The following NEDD4 variants were observed in gnomAD, a reference collection of about 807,000 sequenced individuals.
NEDD4 encodes NEDD4 E3 ubiquitin protein ligase.
NEDD4 carries 99 observed loss-of-function variants against 144.9 expected under a neutral mutation model. The ratio of observed to expected loss-of-function variants is 0.68; its 90% CI spans 0.58 to 0.81. The LOEUF is 0.81. Ranked by LOEUF, NEDD4 falls within the 30% of genes least tolerant of loss-of-function variation. The pLI, the probability that NEDD4 is intolerant of heterozygous loss-of-function variation, is 0.00. For missense variants in NEDD4, 985 were observed against 1,065.9 expected, an observed-to-expected ratio of 0.92 and a Z score of 1.06; for synonymous variants, 318 against 350.6, an observed-to-expected ratio of 0.91 and a Z score of 1.04.
chr15:55,949,305 G>T (rs555857983), intron 4 of NEDD4, among the ~76,000 whole-genome samples: 1 of 152,280 alleles, frequency 6.6e-6, no homozygotes, highest in East Asian at 1.9e-4. Context: ...GAAACAACAG[G>T]AGCTGGAGAG....
chr15:55,983,297 T>C (rs35460567), intron 1 of NEDD4, among the ~76,000 whole-genome samples: 9,421 of 141,386 alleles, frequency 0.067, 379 homozygotes, highest in East Asian at 0.18. Context: ...TGTGTGTGTG[T>C]GTGCGTGCGC....
At chr15:55,917,325 AT>A (rs2036480659) in intron 5 of NEDD4, among the ~76,000 whole-genome samples, 1 of 152,112 alleles carries the variant, frequency 6.6e-6, no homozygotes, top group African/African-American at 2.4e-5. Flanking sequence ...GCCCACTAAT[AT>A]TTTTACCCAT....
intron 4 of NEDD4, among the ~76,000 whole-genome samples, chr15:55,939,867 A>G (rs993156896): frequency 6.6e-6 from 1 of 152,228 alleles, no homozygotes; most frequent in South Asian, 2.1e-4. Context: ...ACTTCTAGGT[A>G]TGCAGCCAGA....
In NEDD4 at chr15:55,828,087, G is replaced by A. The variant is rs1469286328; in HGVS notation, c.*1810C>T. 1.3e-5 allele frequency: 2 copies of A among 152,168 alleles called. No individual in the cohort carries two copies. Among genetic ancestry groups the A allele is most frequent in the Non-Finnish European group, 2.9e-5 (2 of 68,040 alleles). 9.4% of individuals were successfully genotyped at this position (152,168 alleles called of 1,614,324 possible). On this transcript the variant is annotated 3_prime_UTR_variant, in exon 29 of 29. Coordinates refer to ENST00000435532, the MANE Select transcript of NEDD4 (RefSeq NM_006154.4). ...TCATCCTTGACTGCTGGTTGACAAT[G>A]GTGAAGACAAAACGCAGGGTACATT...
chr15:55,978,689 A>G lies in NEDD4; in HGVS notation c.46-12143T>C, dbSNP rs1053196072. 4.6e-5 allele frequency among the ~76,000 whole-genome samples: 7 copies of G among 152,330 alleles called. No homozygotes were observed. The East Asian group carries it at 1.3e-3, about 29-fold the overall frequency. On this transcript the variant is annotated intron_variant, in intron 1 of 28. Coordinates refer to ENST00000435532, the MANE Select transcript of NEDD4 (RefSeq NM_006154.4). ...TAAAGCTTGAAACTTCCCTCTTCCA[A>G]ACTCATGAGTAAAGAGAGCTTTATT...
At chr15:55,944,378 C>T (rs1331998209) in intron 4 of NEDD4, among the ~76,000 whole-genome samples, 2 of 152,210 alleles carry the variant, frequency 1.3e-5, no homozygotes, top group East Asian at 1.9e-4. Context: ...CAGAGCCTTG[C>T]TCACTGCTAG....
chr15:55,937,821 A>G (rs1302292614), intron 4 of NEDD4, among the ~76,000 whole-genome samples: 1 of 152,220 alleles, frequency 6.6e-6, no homozygotes, highest in Non-Finnish European at 1.5e-5. Context: ...TAGAACACAT[A>G]ATCCTAAAAT....
At position 55,839,983 on chromosome 15, in the gene NEDD4, AAAAAAAAAAAAAAAAAATATATATAT is replaced by A. The variant is rs1429896665; in HGVS notation, c.2031+438_2031+463del. ...AGTGACACTCTGTCTCAAAAAAAAA[AAAAAAAAAAAAAAAAAATATATATAT>A]ATATATATATATATATATATATATA... On this transcript the variant is annotated intron_variant, in intron 21 of 28. Transcript: ENST00000435532. 1.3e-3 allele frequency among the ~76,000 whole-genome samples: 62 copies of A among 46,188 alleles called. 4 individuals are homozygous for A. Among genetic ancestry groups the A allele is most frequent in the African/African-American group, 5.4e-3 (61 of 11,348 alleles). The allele number at this position is 46,188 out of a possible 152,430, so 30.3% of individuals were successfully genotyped here. A position where few individuals can be genotyped will look rare whatever the true frequency, so the allele number is the denominator to read the frequency against.
chr15:55,956,296 GAA>G (rs1175823475), intron 2 of NEDD4, among the ~76,000 whole-genome samples: 1 of 152,128 alleles, frequency 6.6e-6, no homozygotes, highest in Non-Finnish European at 1.5e-5. Flanking sequence ...TCTTAAAGAA[GAA>G]AAGTTTTAAT....
chr15:55,850,925 T>A (rs2033958488), intron 13 of NEDD4, among the ~76,000 whole-genome samples, 183 bp from the exon 14 acceptor site: 1 of 152,232 alleles, frequency 6.6e-6, no homozygotes, highest in African/African-American at 2.4e-5. Flanking sequence ...ATTTCAATAA[T>A]GCATTACATT....
intron 5 of NEDD4, chr15:55,915,731 T>C: frequency 6.2e-7 from 1 of 1,613,980 alleles, no homozygotes; most frequent in South Asian, 1.1e-5. Flanking sequence ...CAGATGACTT[T>C]TCACAGACAG....
intron 8 of NEDD4, among the ~76,000 whole-genome samples, chr15:55,868,489 T>G (rs1274533432): frequency 6.6e-6 from 1 of 152,176 alleles, no homozygotes; most frequent in Non-Finnish European, 1.5e-5. Context: ...AGTGAGTTTT[T>G]CCGGTGCTGT....
chr15:55,943,204 T>A (rs186354679), intron 4 of NEDD4, among the ~76,000 whole-genome samples: 1 of 152,086 alleles, frequency 6.6e-6, no homozygotes, highest in Non-Finnish European at 1.5e-5. Flanking sequence ...AGCATAAAAG[T>A]TGGGAATATG....
chr15:55,935,708 G>A (rs956479579), intron 4 of NEDD4, among the ~76,000 whole-genome samples: 8 of 151,764 alleles, frequency 5.3e-5, no homozygotes, highest in Admixed American at 1.3e-4. Flanking sequence ...TTAGCCAAGC[G>A]TGGTGGCATG....
Position 55,902,977 on chromosome 15 carries a change from G to T in NEDD4, c.291+21669C>A, listed in dbSNP as rs2035959478. Among the ~76,000 whole-genome samples the T allele has an allele frequency of 1.3e-5, 2 of 151,880 alleles. 1 individual carries two copies. Among genetic ancestry groups the T allele is most frequent in the South Asian group, 4.2e-4 (2 of 4,816 alleles). On this transcript the variant is annotated intron_variant, in intron 5 of 28. Coordinates refer to ENST00000435532, the MANE Select transcript of NEDD4 (RefSeq NM_006154.4). ...GATCGTGCTATTGCATTCCAGCCTGGGTGACAGAGCGAGACTCCATCTCAA... is the reference window on the plus strand; with the variant it reads ...GATCGTGCTATTGCATTCCAGCCTGTGTGACAGAGCGAGACTCCATCTCAA...
At chr15:55,946,967 A>G (rs1318733126) in intron 4 of NEDD4, among the ~76,000 whole-genome samples, 2 of 152,220 alleles carry the variant, frequency 1.3e-5, no homozygotes, top group African/African-American at 4.8e-5. Context: ...AATGAGAACA[A>G]AGACACAACA....
intron 2 of NEDD4, among the ~76,000 whole-genome samples, chr15:55,960,087 C>G (rs2037401099): frequency 6.6e-6 from 1 of 152,156 alleles, no homozygotes; most frequent in Admixed American, 6.6e-5. Context: ...CCCTAAGAAA[C>G]AACCAGATTC....
chr15:55,923,284 A>T (rs1365579830), intron 5 of NEDD4, among the ~76,000 whole-genome samples: 1 of 152,246 alleles, frequency 6.6e-6, no homozygotes, highest in African/African-American at 2.4e-5. Context: ...ACACAGACAG[A>T]AAACAAATAG....
chr15:55,946,842 G>C (rs2037124724), intron 4 of NEDD4, among the ~76,000 whole-genome samples: 1 of 152,160 alleles, frequency 6.6e-6, no homozygotes, highest in Non-Finnish European at 1.5e-5. Context: ...TAGAACTCAG[G>C]ATTAAGAAAC....
Sources: allele counts gnomAD v4.1 joint callset (sites outside exome capture counted in the v4.1 genomes callset), GRCh38; gene constraint gnomAD v4.1.1; transcripts MANE v1.5; gene names NCBI Gene and HGNC (gene_info 2026-07-23, HGNC 2026-07-21).